The following LHFPL2 variants were observed in gnomAD, a reference collection of about 807,000 sequenced individuals.
LHFPL2 encodes the protein LHFPL tetraspan subfamily member 2 protein.
A neutral mutation model predicts 17.5 loss-of-function variants in LHFPL2; 7 were observed. The observed-to-expected ratio is 0.40, with a 90% CI of 0.23 to 0.75. The LOEUF (loss-of-function observed/expected upper bound fraction) is 0.75. Ranked by LOEUF, LHFPL2 falls within the 30% of genes least tolerant of loss-of-function variation. The pLI is 0.37. For synonymous variants in LHFPL2, 134 were observed against 116.2 expected, an observed-to-expected ratio of 1.15 and a Z score of -0.99; for missense variants, 241 against 294.8, an observed-to-expected ratio of 0.82 and a Z score of 1.34.
intron 2 of LHFPL2, among the ~76,000 whole-genome samples, chr5:78,578,766 T>C (rs1304208987): frequency 1.3e-5 from 2 of 152,204 alleles, no homozygotes; most frequent in Admixed American, 6.5e-5. Context: ...CCAGGAATCA[T>C]CTATGTACAA....
In LHFPL2 at chr5:78,635,269, C is replaced by T. The variant is rs540796575; in HGVS notation, c.-349-2901G>A. Among the ~76,000 whole-genome samples the T allele has an allele frequency of 4.6e-5, 7 of 152,208 alleles. No homozygotes were observed. The East Asian group carries it at 5.8e-4, about 13-fold the overall frequency. ...CAAATGTAATGACTCTTTTCAGATA[C>T]GACAGAGAAAGCATGCACTAATGCA... On this transcript the variant is annotated intron_variant, in intron 1 of 4. Transcript: ENST00000380345.
At chr5:78,502,739 T>A (rs2112308404) in intron 4 of LHFPL2, among the ~76,000 whole-genome samples, 1 of 152,320 alleles carries the variant, frequency 6.6e-6, no homozygotes, top group Admixed American at 6.5e-5. Flanking sequence ...CTAGGACAAG[T>A]AAATTTCTTG....
At chr5:78,545,990 T>C (rs1756259164) in intron 3 of LHFPL2, among the ~76,000 whole-genome samples, 1 of 152,164 alleles carries the variant, frequency 6.6e-6, no homozygotes, top group Non-Finnish European at 1.5e-5. Flanking sequence ...ACCCAAACTT[T>C]AAAACTTAAA....
At chr5:78,548,675 T>C (rs1420463864) in intron 3 of LHFPL2, among the ~76,000 whole-genome samples, 1 of 152,220 alleles carries the variant, frequency 6.6e-6, no homozygotes, top group African/African-American at 2.4e-5. Context: ...GGGGCAGCTA[T>C]GAGGGCTAGA....
At chr5:78,583,383 G>A in intron 2 of LHFPL2, among the ~76,000 whole-genome samples, 1 of 151,722 alleles carries the variant, frequency 6.6e-6, no homozygotes, top group Admixed American at 6.6e-5. Context: ...AGTCTCGATG[G>A]TCTTTACATT....
intron 4 of LHFPL2, among the ~76,000 whole-genome samples, chr5:78,500,140 A>G (rs765044354): frequency 2.0e-5 from 3 of 152,148 alleles, no homozygotes; most frequent in Non-Finnish European, 4.4e-5. Flanking sequence ...CATCCACAAA[A>G]TCACCCATAA....
chr5:78,504,608 T>C (rs1265895640), intron 4 of LHFPL2, among the ~76,000 whole-genome samples: 2 of 152,316 alleles, frequency 1.3e-5, no homozygotes, highest in Non-Finnish European at 2.9e-5. Flanking sequence ...ATGCATCAGA[T>C]TTATGACAAA....
chr5:78,639,397 T>C (rs890438944), intron 1 of LHFPL2, among the ~76,000 whole-genome samples: 1 of 152,164 alleles, frequency 6.6e-6, no homozygotes, highest in Non-Finnish European at 1.5e-5. Context: ...CACACCCACT[T>C]ACCAAAAGGA....
chr5:78,623,173 TATTCA>T (rs1215952476), intron 2 of LHFPL2, among the ~76,000 whole-genome samples: 14 of 152,216 alleles, frequency 9.2e-5, no homozygotes, highest in Admixed American at 6.5e-4. Flanking sequence ...ATTTAGACCT[TATTCA>T]GGGAGTCATT....
chr5:78,529,058 C>T (rs1213377916), intron 3 of LHFPL2, among the ~76,000 whole-genome samples: 1 of 151,836 alleles, frequency 6.6e-6, no homozygotes, highest in Non-Finnish European at 1.5e-5. Context: ...GACGGGAGGA[C>T]TGCTTGAGGC....
At chr5:78,501,562 C>T (rs780678550) in intron 4 of LHFPL2, among the ~76,000 whole-genome samples, 5 of 152,086 alleles carry the variant, frequency 3.3e-5, no homozygotes, top group African/African-American at 2.4e-5. Context: ...GAGTCTAGGT[C>T]CAAACTTAAG....
At chr5:78,607,118 T>C (rs1744243831) in intron 2 of LHFPL2, among the ~76,000 whole-genome samples, 1 of 152,090 alleles carries the variant, frequency 6.6e-6, no homozygotes, top group Non-Finnish European at 1.5e-5. Flanking sequence ...TATCTTCTTT[T>C]TTTATTTTTC....
Position 78,631,587 on chromosome 5 carries a change from G to A in LHFPL2, c.-245+677C>T, listed in dbSNP as rs556533121. The stretch of plus-strand genomic sequence containing the variant: ...GAGAAGTGGCCATTCATTTTGCTGC[G>A]AAGCAAAAAAAGGTTACACTCTGAA... On this transcript the variant is annotated intron_variant, in intron 2 of 4. Coordinates refer to ENST00000380345, the MANE Select transcript of LHFPL2 (RefSeq NM_005779.3). Among the ~76,000 whole-genome samples, 12 of 151,876 alleles carry A rather than the reference G, an allele frequency of 7.9e-5. 1 individual carries two copies. The East Asian group carries it at 9.7e-4, about 12-fold the overall frequency.
chr5:78,523,111 GGTGTGTGTGT>G (rs57180798), intron 3 of LHFPL2, among the ~76,000 whole-genome samples: 6 of 149,626 alleles, frequency 4.0e-5, no homozygotes, highest in Admixed American at 1.3e-4. Context: ...GTGTGTCTGT[GGTGTGTGTGT>G]GTGTGTGTGT....
intron 2 of LHFPL2, among the ~76,000 whole-genome samples, chr5:78,603,202 T>C (rs1561360645): frequency 6.6e-6 from 1 of 152,154 alleles, no homozygotes; most frequent in Non-Finnish European, 1.5e-5. Flanking sequence ...GAGGTAGGTA[T>C]TATATGCATT....
In LHFPL2 at chr5:78,488,675, T is replaced by C. The variant is rs1018961583; in HGVS notation, c.*222A>G. On this transcript the variant is annotated 3_prime_UTR_variant, in exon 5 of 5. Transcript: ENST00000380345. ...CTTGGCAACTCCAGGTCTAGGATTATATACTATTTTCATGTTCCATTCCTT... is the reference window on the plus strand; with the variant it reads ...CTTGGCAACTCCAGGTCTAGGATTACATACTATTTTCATGTTCCATTCCTT... The C allele has an allele frequency of 2.1e-5, 12 of 566,078 alleles. No homozygotes were observed. Among genetic ancestry groups the C allele is most frequent in the African/African-American group, 1.9e-4 (10 of 53,138 alleles). The allele number at this position is 566,078 out of a possible 1,614,324, so 35.1% of individuals were successfully genotyped here.
intron 4 of LHFPL2, among the ~76,000 whole-genome samples, chr5:78,497,063 T>C (rs1227251295): frequency 6.6e-6 from 1 of 152,204 alleles, no homozygotes; most frequent in Non-Finnish European, 1.5e-5. Context: ...CATTCCCCAC[T>C]CAAAACCTGT....
chr5:78,626,615 G>A (rs1404456498), intron 2 of LHFPL2: 1 of 152,210 alleles, frequency 6.6e-6, no homozygotes, highest in Non-Finnish European at 1.5e-5. Context: ...GGTGTCCGCA[G>A]TCTCCATCAT....
chr5:78,541,019 CAT>C (rs1433844869), intron 3 of LHFPL2, among the ~76,000 whole-genome samples: 2 of 152,158 alleles, frequency 1.3e-5, no homozygotes, highest in African/African-American at 4.8e-5. Flanking sequence ...CTGAGGTCTC[CAT>C]GAGGGAAAAT....
Sources: allele counts gnomAD v4.1 joint callset (sites outside exome capture counted in the v4.1 genomes callset), GRCh38; gene constraint gnomAD v4.1.1; transcripts MANE v1.5; gene names NCBI Gene and HGNC (gene_info 2026-07-23, HGNC 2026-07-21).